The following XRCC4 variants were observed in gnomAD, a reference collection of about 807,000 sequenced individuals.
XRCC4 encodes the protein DNA repair protein XRCC4.
XRCC4 carries 28 observed loss-of-function variants against 39.1 expected under a neutral mutation model. The observed-to-expected ratio is 0.72, with a 90% CI of 0.53 to 0.98. The LOEUF is 0.98. Among genes scored for constraint, XRCC4 ranks in the 50% least tolerant of loss-of-function variants. The pLI, the probability that XRCC4 is intolerant of heterozygous loss-of-function variation, is 0.00. For missense variants in XRCC4, 350 were observed against 376.4 expected, an observed-to-expected ratio of 0.93 and a Z score of 0.58; for synonymous variants, 123 against 126.4, an observed-to-expected ratio of 0.97 and a Z score of 0.18.
intron 1 of XRCC4, among the ~76,000 whole-genome samples, chr5:83,104,480 A>T (rs1390031429): frequency 6.6e-6 from 1 of 151,998 alleles, no homozygotes; most frequent in Non-Finnish European, 1.5e-5. Flanking sequence ...TTGAGATGAT[A>T]ATTTTTTGTT....
intron 3 of XRCC4, among the ~76,000 whole-genome samples, chr5:83,130,552 T>C (rs1255573319): frequency 2.6e-5 from 4 of 152,190 alleles, no homozygotes; most frequent in Non-Finnish European, 5.9e-5. Context: ...TGGTACCAGC[T>C]CCTCTTTGTA....
At chr5:83,227,286 G>A (rs1446801010) in intron 6 of XRCC4, among the ~76,000 whole-genome samples, 2 of 151,976 alleles carry the variant, frequency 1.3e-5, no homozygotes, top group Admixed American at 1.3e-4. Context: ...AAAGTAACAG[G>A]AATGCTGTAA....
intron 3 of XRCC4, among the ~76,000 whole-genome samples, chr5:83,114,821 T>C (rs985150370): frequency 6.6e-6 from 1 of 152,162 alleles, no homozygotes; most frequent in Non-Finnish European, 1.5e-5. Flanking sequence ...CGGTACCAAT[T>C]TACTGTATTA....
At position 83,111,164 on chromosome 5, in the gene XRCC4, T is replaced by C. The variant is rs540170535; in HGVS notation, c.276T>C (p.Ser92=). ...DVYTFNFSKE[S]CYFFFEKNLK... is the part of the protein sequence containing the mutation. ...ACACGTTTAATTTTTCTAAAGAGTC[T>C]TGTTATTTCTTCTTTGAGAAAAACC... The change falls in exon 3 of 8, where the codon TCT becomes TCC. Residue 92 remains serine (S), a synonymous_variant. Transcript: ENST00000396027. 1.4e-5 allele frequency: 23 copies of C among 1,595,112 alleles called. No individual in the cohort carries two copies. Among genetic ancestry groups the C allele is most frequent in the African/African-American group, 1.2e-4 (9 of 73,792 alleles).
intron 6 of XRCC4, among the ~76,000 whole-genome samples, chr5:83,227,175 G>A (rs1204736188): frequency 1.3e-5 from 2 of 151,890 alleles, no homozygotes; most frequent in Non-Finnish European, 2.9e-5. Flanking sequence ...ATCAGTTAGG[G>A]ATGTATTTTT....
the XRCC4 span, among the ~76,000 whole-genome samples, chr5:83,368,547 A>G: frequency 6.6e-6 from 1 of 152,126 alleles, no homozygotes; most frequent in African/African-American, 2.4e-5. Flanking sequence ...ACTGGGTTAA[A>G]TCACTCCCTG....
intron 7 of XRCC4, among the ~76,000 whole-genome samples, chr5:83,328,355 A>G (rs1756334065): frequency 6.6e-6 from 1 of 152,110 alleles, no homozygotes; most frequent in Admixed American, 6.6e-5. Flanking sequence ...CATATTATTG[A>G]CTACATAGAA....
intron 3 of XRCC4, among the ~76,000 whole-genome samples, chr5:83,164,845 G>A (rs1749384722): frequency 6.6e-6 from 1 of 152,034 alleles, no homozygotes; most frequent in South Asian, 2.1e-4. Context: ...TTGTTAAAAA[G>A]CTTAAGAAAT....
chr5:83,183,072 C>T (rs1164110716), intron 3 of XRCC4, among the ~76,000 whole-genome samples: 1 of 152,142 alleles, frequency 6.6e-6, no homozygotes, highest in African/African-American at 2.4e-5. Flanking sequence ...ATTTTAAAGG[C>T]ATTAATTCAT....
At chr5:83,275,591 G>A (rs549137215) in intron 7 of XRCC4, among the ~76,000 whole-genome samples, 3 of 152,278 alleles carry the variant, frequency 2.0e-5, no homozygotes, top group East Asian at 1.9e-4. Flanking sequence ...CACCGCGCCC[G>A]GCCCAGGTTA....
the XRCC4 span, among the ~76,000 whole-genome samples, chr5:83,369,045 T>C: frequency 3.6e-3 from 555 of 152,312 alleles, 10 homozygotes; most frequent in Admixed American, 0.033. Context: ...GAAACGTTAC[T>C]AGCATTAAGC....
intron 3 of XRCC4, among the ~76,000 whole-genome samples, chr5:83,123,758 T>C (rs1413194603): frequency 6.6e-6 from 1 of 152,104 alleles, no homozygotes; most frequent in African/African-American, 2.4e-5. Flanking sequence ...ACAGTCTACA[T>C]TGAAGTGATA....
Position 83,142,855 on chromosome 5 carries a change from A to G in XRCC4, c.315+31652A>G, listed in dbSNP as rs780762401. On this transcript the variant is annotated intron_variant, in intron 3 of 7. Coordinates refer to ENST00000396027, the MANE Select transcript of XRCC4 (RefSeq NM_003401.5). ...ATGTTATTTTTATTTGCTAAGTGCT[A>G]AACATTAAACATTACTAAAATTTCC... Among the ~76,000 whole-genome samples the G allele has an allele frequency of 3.6e-4, 55 of 152,210 alleles. 1 individual carries two copies. The highest frequency in any genetic ancestry group is 7.2e-4 in the Non-Finnish European group (49 of 68,020).
At position 83,195,922 on chromosome 5, in the gene XRCC4, T is replaced by G. The variant is rs745751715; in HGVS notation, c.468T>G (p.Asn156Lys). Residue 156 changes from asparagine to lysine, a missense_variant, in exon 4 of 8, where the codon AAT (asparagine) becomes AAG (lysine). Physicochemically the swap from Asn to Lys is moderately conservative, Grantham distance 94 (BLOSUM62 0). Transcript: ENST00000396027. ...ATGAAAGGCTTCTGAGAGATTGGAATGATGTTCAAGGACGGTGTGTACACA... is the reference window on the plus strand; with the variant it reads ...ATGAAAGGCTTCTGAGAGATTGGAAGGATGTTCAAGGACGGTGTGTACACA... ...KENERLLRDW[N>K]DVQGRFEKCV... The G allele has an allele frequency of 1.2e-6, 2 of 1,609,516 alleles. No homozygotes were observed. Among genetic ancestry groups the G allele is most frequent in the Non-Finnish European group, 8.5e-7 (1 of 1,177,742 alleles).
chr5:83,226,497 G>A (rs1752296225), intron 6 of XRCC4, among the ~76,000 whole-genome samples: 1 of 152,020 alleles, frequency 6.6e-6, no homozygotes, highest in African/African-American at 2.4e-5. Flanking sequence ...TTACATATAG[G>A]TGTCTTTCTA....
intron 3 of XRCC4, among the ~76,000 whole-genome samples, chr5:83,162,426 T>A (rs1749261007): frequency 6.6e-6 from 1 of 152,158 alleles, no homozygotes; most frequent in African/African-American, 2.4e-5. Flanking sequence ...AAATGCATTT[T>A]ATTTCCTCCC....
intron 1 of XRCC4, among the ~76,000 whole-genome samples, chr5:83,096,831 ATCT>A (rs1179160874): frequency 2.0e-5 from 3 of 152,158 alleles, no homozygotes; most frequent in Non-Finnish European, 1.5e-5. Context: ...ACCCATAACA[ATCT>A]GCTTTGCAGT....
intron 6 of XRCC4, among the ~76,000 whole-genome samples, chr5:83,229,265 G>A (rs1459321201): frequency 1.3e-5 from 2 of 151,976 alleles, no homozygotes; most frequent in East Asian, 3.9e-4. Flanking sequence ...GGGCACTGAT[G>A]TATGCCATGA....
chr5:83,240,502 C>G (rs1432442484), intron 6 of XRCC4, among the ~76,000 whole-genome samples: 1 of 152,080 alleles, frequency 6.6e-6, no homozygotes, highest in Non-Finnish European at 1.5e-5. Context: ...CTAATTATTA[C>G]AATTGGAGGC....
Sources: allele counts gnomAD v4.1 joint callset (sites outside exome capture counted in the v4.1 genomes callset), GRCh38; gene constraint gnomAD v4.1.1; transcripts MANE v1.5; gene names NCBI Gene and HGNC (gene_info 2026-07-23, HGNC 2026-07-21).